Variants in MED27 observed in about 807,000 individuals in gnomAD.
MED27 encodes the protein mediator of RNA polymerase II transcription subunit 27.
A neutral mutation model predicts 38.2 loss-of-function variants in MED27; 30 were observed. The observed-to-expected ratio is 0.79, with a 90% CI of 0.59 to 1.07. The LOEUF is 1.07. Ranked by LOEUF, MED27 falls within the 50% of genes least tolerant of loss-of-function variation. The pLI, the probability that MED27 is intolerant of heterozygous loss-of-function variation, is 0.00. For synonymous variants in MED27, 122 were observed against 153.5 expected, an observed-to-expected ratio of 0.79 and a Z score of 1.52; for missense variants, 289 against 397.5, an observed-to-expected ratio of 0.73 and a Z score of 2.32.
At chr9:131,958,680 G>A (rs1049043025) in intron 3 of MED27, among the ~76,000 whole-genome samples, 1 of 152,186 alleles carries the variant, frequency 6.6e-6, no homozygotes, top group African/African-American at 2.4e-5. Flanking sequence ...AGCTCCCACC[G>A]TGGTGCCAAA....
intron 3 of MED27, among the ~76,000 whole-genome samples, chr9:131,971,716 G>A (rs1185239326): frequency 1.3e-5 from 2 of 152,140 alleles, no homozygotes; most frequent in African/African-American, 2.4e-5. Context: ...GGGAGTGGGG[G>A]GCGGGGAGGT....
chr9:131,939,486 A>G lies in MED27; in HGVS notation c.480-12T>C. 2 of 1,572,506 alleles carry G rather than the reference A, an allele frequency of 1.3e-6. No homozygotes were observed. Among genetic ancestry groups the G allele is most frequent in the Non-Finnish European group, 8.7e-7 (1 of 1,152,438 alleles). ...CATCATCAACATATCTACATGGGAA[A>G]AAAATAAACATGTGTGAACTACAAC... On this transcript the variant is annotated splice_polypyrimidine_tract_variant and intron_variant, in intron 3 of 7. Coordinates refer to ENST00000292035, the MANE Select transcript of MED27 (RefSeq NM_004269.4).
intron 2 of MED27, among the ~76,000 whole-genome samples, chr9:132,069,257 G>A (rs949674006): frequency 6.6e-6 from 1 of 151,710 alleles, no homozygotes; most frequent in Non-Finnish European, 1.5e-5. Flanking sequence ...AGCAGCCTCT[G>A]CAGCCTCCCT....
chr9:132,048,958 G>A (rs1833404101), intron 2 of MED27, among the ~76,000 whole-genome samples: 1 of 152,228 alleles, frequency 6.6e-6, no homozygotes, highest in South Asian at 2.1e-4. Flanking sequence ...AAAGCAAATA[G>A]CACCAAAGGG....
Position 131,897,313 on chromosome 9 carries a change from A to G in MED27, c.574-3321T>C, listed in dbSNP as rs371534414. Among the ~76,000 whole-genome samples, 23 of 151,960 alleles carry G rather than the reference A, an allele frequency of 1.5e-4. No homozygotes were observed. The South Asian group carries it at 1.9e-3, about 12-fold the overall frequency. Reference sequence around the variant, plus strand: ...TCATAACTACTGTGGCAAACAATACAAATATTTTAAGGCTTTTGATATAAT... The same window carrying G: ...TCATAACTACTGTGGCAAACAATACGAATATTTTAAGGCTTTTGATATAAT... On this transcript the variant is annotated intron_variant, in intron 4 of 7. Transcript: ENST00000292035.
intron 4 of MED27, among the ~76,000 whole-genome samples, chr9:131,931,363 A>C (rs1027403423): frequency 1.3e-5 from 2 of 152,174 alleles, no homozygotes; most frequent in African/African-American, 4.8e-5. Context: ...GACACACAAA[A>C]AATAAACAGC....
intron 3 of MED27, among the ~76,000 whole-genome samples, chr9:131,970,260 TCAAA>T (rs1251309184): frequency 2.0e-5 from 3 of 152,162 alleles, no homozygotes; most frequent in African/African-American, 4.8e-5. Flanking sequence ...GGAGCAGAAC[TCAAA>T]CAAAGCCGGC....
intron 2 of MED27, among the ~76,000 whole-genome samples, chr9:132,026,546 C>G (rs985362299): frequency 1.1e-4 from 17 of 152,128 alleles, no homozygotes; most frequent in African/African-American, 4.1e-4. Flanking sequence ...ATTTTAGAAG[C>G]CTTACTGGCC....
At chr9:131,919,572 T>C (rs1830353069) in intron 4 of MED27, among the ~76,000 whole-genome samples, 1 of 152,096 alleles carries the variant, frequency 6.6e-6, no homozygotes, top group African/African-American at 2.4e-5. Context: ...AAGCCTGTTT[T>C]TTCATTTGGA....
intron 2 of MED27, among the ~76,000 whole-genome samples, chr9:132,037,845 C>T (rs568562785): frequency 8.6e-4 from 131 of 152,234 alleles, no homozygotes; most frequent in African/African-American, 3.1e-3. Flanking sequence ...CAACATGTCC[C>T]GACCCCAGAC....
chr9:131,990,623 C>A (rs1319407770), intron 3 of MED27, among the ~76,000 whole-genome samples: 2 of 152,318 alleles, frequency 1.3e-5, no homozygotes, highest in African/African-American at 2.4e-5. Context: ...GCACACCCCA[C>A]CTGGCCAATG....
At chr9:132,008,255 T>C (rs1832403206) in intron 3 of MED27, among the ~76,000 whole-genome samples, 1 of 152,202 alleles carries the variant, frequency 6.6e-6, no homozygotes, top group African/African-American at 2.4e-5. Context: ...TCTCAATAAA[T>C]ACATAGATAT....
At chr9:132,020,819 T>C (rs973607284) in intron 2 of MED27, among the ~76,000 whole-genome samples, 7 of 152,338 alleles carry the variant, frequency 4.6e-5, no homozygotes, top group African/African-American at 1.7e-4. Context: ...TCTTTCCTCC[T>C]TTTATCTCCT....
At chr9:131,888,127 GACC>G (rs1839171165) in intron 5 of MED27, among the ~76,000 whole-genome samples, 1 of 152,100 alleles carries the variant, frequency 6.6e-6, no homozygotes, top group African/African-American at 2.4e-5. Context: ...CTGCAATGCT[GACC>G]ACCACCACCA....
chr9:132,037,880 T>C (rs1564334977), intron 2 of MED27, among the ~76,000 whole-genome samples: 3 of 152,074 alleles, frequency 2.0e-5, no homozygotes, highest in African/African-American at 2.4e-5. Flanking sequence ...GATCTCTAGA[T>C]CTAGCAATGC....
At chr9:131,873,943 C>G (rs943070558) in intron 6 of MED27, among the ~76,000 whole-genome samples, 2 of 152,194 alleles carry the variant, frequency 1.3e-5, no homozygotes, top group African/African-American at 4.8e-5. Flanking sequence ...GGGAAGCCCC[C>G]AACTCCCTGG....
chr9:132,062,679 G>T (rs1447971817), intron 2 of MED27, among the ~76,000 whole-genome samples: 1 of 151,714 alleles, frequency 6.6e-6, no homozygotes, highest in Non-Finnish European at 1.5e-5. Context: ...GTACAGTGGG[G>T]TGATCACAGC....
intron 3 of MED27, among the ~76,000 whole-genome samples, chr9:131,966,399 A>AAAAAAAAAAAAAAAAAAAAAAAAC (rs1831350348): frequency 6.7e-6 from 1 of 148,254 alleles, no homozygotes; most frequent in Non-Finnish European, 1.5e-5. Context: ...AAAAAAAAAA[A>AAAAAAAAAAAAAAAAAAAAAAAAC]AGGAAAGGAA....
At chr9:131,972,937 T>C (rs900177273) in intron 3 of MED27, among the ~76,000 whole-genome samples, 3 of 152,132 alleles carry the variant, frequency 2.0e-5, no homozygotes, top group Non-Finnish European at 4.4e-5. Flanking sequence ...TAAACCCAAC[T>C]ATTTCCAAAA....
Sources: allele counts gnomAD v4.1 joint callset (sites outside exome capture counted in the v4.1 genomes callset), GRCh38; gene constraint gnomAD v4.1.1; transcripts MANE v1.5; gene names NCBI Gene and HGNC (gene_info 2026-07-23, HGNC 2026-07-21).